The following DEFB131A variants were observed in gnomAD, a reference collection of about 807,000 sequenced individuals.
DEFB131A encodes the protein defensin beta 131A, also known as beta-defensin 131A.
Under a neutral mutation model 2.4 loss-of-function variants are expected in DEFB131A, and 5 were observed. That is an observed-to-expected ratio of 2.12 (90% CI 1.11 to 4.47). The LOEUF is 4.47. DEFB131A is among the 30% of genes most tolerant of loss of function. The pLI, the probability that DEFB131A is intolerant of heterozygous loss-of-function variation, is 0.00. For synonymous variants in DEFB131A, 34 were observed against 25.7 expected, an observed-to-expected ratio of 1.32 and a Z score of -0.97; for missense variants, 120 against 79.9, an observed-to-expected ratio of 1.50 and a Z score of -1.91.
chr4:9,447,083 G>C (rs1389493219), intron 1 of DEFB131A, among the ~76,000 whole-genome samples: 1 of 152,118 alleles, frequency 6.6e-6, no homozygotes, highest in Non-Finnish European at 1.5e-5. Context: ...GAAGTGTTCT[G>C]TAAATGTCTG....
intron 1 of DEFB131A, among the ~76,000 whole-genome samples, chr4:9,448,355 T>A (rs1218465314): frequency 6.6e-6 from 1 of 152,012 alleles, no homozygotes; most frequent in South Asian, 2.1e-4. Flanking sequence ...CTTAGTAAAA[T>A]TATCTCTTTT....
chr4:9,450,057 T>G (rs1717615746), intron 1 of DEFB131A, among the ~76,000 whole-genome samples: 1 of 152,192 alleles, frequency 6.6e-6, no homozygotes, highest in African/African-American at 2.4e-5. Flanking sequence ...ATTTCCTGCA[T>G]TATGAATCTC....
chr4:9,449,026 G>C (rs927588597), intron 1 of DEFB131A, among the ~76,000 whole-genome samples: 20 of 151,778 alleles, frequency 1.3e-4, no homozygotes, highest in African/African-American at 4.1e-4. Flanking sequence ...ACGAATATCA[G>C]TTGTGTTTCT....
Position 9,448,614 on chromosome 4 carries a change from G to A in DEFB131A, c.59-1746G>A, listed in dbSNP as rs138032504. Among the ~76,000 whole-genome samples, 579 of 152,232 alleles carry A rather than the reference G, an allele frequency of 3.8e-3. 3 individuals carry two copies. The highest frequency in any genetic ancestry group is 0.013 in the African/African-American group (552 of 41,528). ...ACCAGGATTAAAGGTGCAGGCCACC[G>A]CACCCAGCCTACCCTTTAAATTAAG... On this transcript the variant is annotated intron_variant, in intron 1 of 1. Transcript: ENST00000334879.
chr4:9,449,389 G>A (rs918834399), intron 1 of DEFB131A, among the ~76,000 whole-genome samples: 2 of 123,236 alleles, frequency 1.6e-5, no homozygotes, highest in African/African-American at 2.9e-5. Context: ...GAAATCAACC[G>A]ACACTTACAC....
At chr4:9,448,109 A>G (rs6829338) in intron 1 of DEFB131A, among the ~76,000 whole-genome samples, 5,764 of 151,746 alleles carry the variant, frequency 0.038, 174 homozygotes, top group African/African-American at 0.13. Flanking sequence ...AATAACACGC[A>G]AGATAAATAC....
intron 1 of DEFB131A, among the ~76,000 whole-genome samples, chr4:9,450,049 T>C (rs1336236686): frequency 3.3e-5 from 5 of 152,208 alleles, no homozygotes; most frequent in African/African-American, 1.2e-4. Flanking sequence ...TAAACATTAT[T>C]TCCTGCATTA....
chr4:9,444,695 C>A lies in DEFB131A; in HGVS notation c.58+104C>A, dbSNP rs192527487. ...ATAAAATAGGCATGGGCAGATTTTACTGTACCATGAAGGCTGCTCAGAGGA... is the reference window on the plus strand; with the variant it reads ...ATAAAATAGGCATGGGCAGATTTTAATGTACCATGAAGGCTGCTCAGAGGA... On this transcript the variant is annotated intron_variant, in intron 1 of 1. Coordinates refer to ENST00000334879, the MANE Select transcript of DEFB131A (RefSeq NM_001040448.3). The A allele has an allele frequency of 1.0e-5, 12 of 1,185,528 alleles. No individual in the cohort carries two copies. In the African/African-American group the frequency reaches 1.2e-4, roughly 12 times the overall value. 73.4% of individuals were successfully genotyped at this position (1,185,528 alleles called of 1,614,324 possible). A position where few individuals can be genotyped will look rare whatever the true frequency, so the allele number is the denominator to read the frequency against.
At chr4:9,448,774 G>C (rs985393671) in intron 1 of DEFB131A, among the ~76,000 whole-genome samples, 9 of 152,128 alleles carry the variant, frequency 5.9e-5, no homozygotes, top group African/African-American at 2.2e-4. Flanking sequence ...TCCAAGATCA[G>C]GAACAAGGCA....
rs758639328 is a variant in DEFB131A at position 9,450,471 on chromosome 4, G to T, written c.170G>T (p.Cys57Phe). 5 of 1,610,686 alleles carry T rather than the reference G, an allele frequency of 3.1e-6. No individual in the cohort carries two copies. Among genetic ancestry groups the T allele is most frequent in the Non-Finnish European group, 2.5e-6 (3 of 1,179,206 alleles). ...IRYCADFSIC[C>F]KLKIIEIDGQ... is the part of the protein sequence containing the mutation. ...TACTGTGCTGACTTCAGCATCTGCT[G>T]CAAACTGAAGATCATTGAAATTGAC... The change falls in exon 2 of 2, where the codon TGC becomes TTC. Residue 57 changes from cysteine to phenylalanine, a missense_variant. Transcript: ENST00000334879.
chr4:9,445,614 G>T (rs535025528), intron 1 of DEFB131A, among the ~76,000 whole-genome samples: 227 of 151,364 alleles, frequency 1.5e-3, no homozygotes, highest in African/African-American at 5.2e-3. Context: ...AATACTTCAT[G>T]ATTCAAGATT....
chr4:9,445,036 T>A (rs891344708), intron 1 of DEFB131A, among the ~76,000 whole-genome samples: 1 of 152,084 alleles, frequency 6.6e-6, no homozygotes. Context: ...GCTTAGGTCA[T>A]GCCACTGCAC....
chr4:9,449,594 T>C (rs1397075754), intron 1 of DEFB131A, among the ~76,000 whole-genome samples: 12 of 151,784 alleles, frequency 7.9e-5, no homozygotes, highest in Admixed American at 2.0e-4. Flanking sequence ...GTAAAACTTA[T>C]AGAAGAAAAC....
At chr4:9,447,526 A>C (rs142334484) in intron 1 of DEFB131A, among the ~76,000 whole-genome samples, 4,303 of 151,784 alleles carry the variant, frequency 0.028, 1 homozygote, top group African/African-American at 0.098. Flanking sequence ...TCTAAGATCA[A>C]GATGTCAGCA....
At chr4:9,446,911 G>C (rs1717518100) in intron 1 of DEFB131A, among the ~76,000 whole-genome samples, 1 of 151,932 alleles carries the variant, frequency 6.6e-6, no homozygotes, top group East Asian at 1.9e-4. Flanking sequence ...GTTCTTCCTA[G>C]TATTCATTTC....
At chr4:9,448,361 C>CT (rs983784336) in intron 1 of DEFB131A, among the ~76,000 whole-genome samples, 14 of 151,950 alleles carry the variant, frequency 9.2e-5, no homozygotes, top group South Asian at 2.1e-4. Context: ...AAAATTATCT[C>CT]TTTTTTTTAG....
chr4:9,448,685 A>C (rs1717569330), intron 1 of DEFB131A, among the ~76,000 whole-genome samples: 1 of 152,178 alleles, frequency 6.6e-6, no homozygotes, highest in Non-Finnish European at 1.5e-5. Context: ...AGAGTTTGTC[A>C]CCAGTAGTCC....
chr4:9,448,388 A>T (rs1476623249), intron 1 of DEFB131A, among the ~76,000 whole-genome samples: 6 of 152,016 alleles, frequency 3.9e-5, no homozygotes, highest in African/African-American at 1.4e-4. Context: ...TCACTTTGTC[A>T]CCCAGGCTGG....
intron 1 of DEFB131A, among the ~76,000 whole-genome samples, chr4:9,449,922 A>G (rs190656605): frequency 4.6e-5 from 7 of 152,142 alleles, no homozygotes; most frequent in African/African-American, 1.7e-4. Flanking sequence ...ATCTCTTCAT[A>G]TAGTTTTATA....
Sources: gnomAD v4.1 joint callset for allele counts (sites outside exome capture counted in the v4.1 genomes callset) on GRCh38, gnomAD v4.1.1 for gene constraint, MANE v1.5 for transcripts, NCBI Gene and HGNC (gene_info 2026-07-23, HGNC 2026-07-21) for gene names.